The following SLC7A1 variants were observed in gnomAD, a reference collection of about 807,000 sequenced individuals.
The protein encoded by SLC7A1 is solute carrier family 7 member 1.
SLC7A1 carries 10 observed loss-of-function variants against 53.9 expected under a neutral mutation model. That is an observed-to-expected ratio of 0.19 (90% CI 0.11 to 0.31). SLC7A1 has a LOEUF of 0.31. Among genes scored for constraint, SLC7A1 ranks in the 10% least tolerant of loss-of-function variants. SLC7A1 has a pLI of 1.00. For missense variants in SLC7A1, 525 were observed against 827.2 expected (o/e 0.63, Z 4.48); for synonymous variants, 342 against 338.7 (o/e 1.01, Z -0.11).
At chr13:29,555,584 C>T (rs1176403823) in intron 1 of SLC7A1, among the ~76,000 whole-genome samples, 1 of 151,054 alleles carries the variant, frequency 6.6e-6, no homozygotes, top group Non-Finnish European at 1.5e-5. Context: ...ACCAGGGACA[C>T]AGCATCCTGG....
At position 29,530,618 on chromosome 13, in the gene SLC7A1, T is replaced by C. The variant is rs575211503; in HGVS notation, c.624A>G (p.Gly208=). ...AGTTTTTAACCGATCCTTTCACAAA[T>C]CCTGACACCATTATGAAGCCCAGGA... is the stretch of plus-strand genomic sequence containing the variant. The part of the protein sequence containing the change: ...VLVLGFIMVS[G]FVKGSVKNWQ... Residue 208 remains glycine (G), a synonymous_variant, in exon 5 of 13, where the codon GGA becomes GGG. Coordinates refer to ENST00000380752, the MANE Select transcript of SLC7A1 (RefSeq NM_003045.5). 1.9e-6 allele frequency: 3 copies of C among 1,614,100 alleles called. No homozygotes were observed. In the South Asian group the frequency reaches 3.3e-5, roughly 18 times the overall value.
chr13:29,549,275 G>A (rs924514822), intron 2 of SLC7A1, among the ~76,000 whole-genome samples: 1 of 152,186 alleles, frequency 6.6e-6, no homozygotes, highest in African/African-American at 2.4e-5. Context: ...AACCGTACCC[G>A]TGGACCAGGA....
At chr13:29,515,949 T>C (rs1039913755) in intron 12 of SLC7A1, among the ~76,000 whole-genome samples, 189 bp downstream of exon 12, 6 of 152,312 alleles carry the variant, frequency 3.9e-5, no homozygotes, top group South Asian at 4.1e-4. Flanking sequence ...AATAAATAGT[T>C]TGGACAAGAA....
chr13:29,521,279 T>C (rs1310889846), intron 8 of SLC7A1, among the ~76,000 whole-genome samples: 5 of 152,250 alleles, frequency 3.3e-5, no homozygotes, highest in Admixed American at 6.5e-5. Context: ...TAAATGCTAA[T>C]AAAACTTAGT....
At chr13:29,524,567 C>T (rs528485749) in intron 5 of SLC7A1, among the ~76,000 whole-genome samples, 36 of 152,140 alleles carry the variant, frequency 2.4e-4, no homozygotes, top group Non-Finnish European at 4.4e-4. Context: ...GGGGGAGAAA[C>T]CAGCCACGCG....
chr13:29,590,132 G>A (rs1872047883), intron 1 of SLC7A1, among the ~76,000 whole-genome samples: 1 of 152,290 alleles, frequency 6.6e-6, no homozygotes. Context: ...TGGGGAGGAT[G>A]AGCCCCTGCC....
intron 1 of SLC7A1, among the ~76,000 whole-genome samples, chr13:29,591,252 CCT>C (rs1457928414): frequency 2.6e-5 from 4 of 152,172 alleles, no homozygotes; most frequent in African/African-American, 9.7e-5. Context: ...TCATTTAAAT[CCT>C]CTCAGTCCTA....
chr13:29,522,238 AAC>A (rs1868660709), intron 8 of SLC7A1, 77 bp downstream of exon 8: 14 of 1,429,276 alleles, frequency 9.8e-6, no homozygotes, highest in Non-Finnish European at 1.4e-5. Context: ...CACAGACCAG[AAC>A]TGCGCAAGAC....
At chr13:29,550,367 G>A (rs921241419) in intron 2 of SLC7A1, among the ~76,000 whole-genome samples, 8 of 152,178 alleles carry the variant, frequency 5.3e-5, no homozygotes, top group Admixed American at 3.3e-4. Flanking sequence ...AAAAATCAAG[G>A]AGCAAAATAA....
intron 1 of SLC7A1, among the ~76,000 whole-genome samples, chr13:29,569,302 C>T (rs1871097763): frequency 6.6e-6 from 1 of 152,170 alleles, no homozygotes; most frequent in Non-Finnish European, 1.5e-5. Flanking sequence ...AAAACCATCC[C>T]TTCCCCTCAG....
rs938762800 is a variant in SLC7A1 at position 29,573,240 on chromosome 13, A to C, written c.-114-19380T>G. On this transcript the variant is annotated intron_variant, in intron 1 of 12. Transcript: ENST00000380752. ...CCTCGGATCAAAAAGCAGTCTTGCCACATGTCCTGTGTCCAACAGAACAGA... is the reference window on the plus strand; with the variant it reads ...CCTCGGATCAAAAAGCAGTCTTGCCCCATGTCCTGTGTCCAACAGAACAGA... 4.6e-4 allele frequency among the ~76,000 whole-genome samples: 70 copies of C among 152,194 alleles called. 1 individual carries two copies. The highest frequency in any genetic ancestry group is 4.6e-3 in the Admixed American group (70 of 15,278).
intron 2 of SLC7A1, among the ~76,000 whole-genome samples, chr13:29,550,565 T>C (rs970096717): frequency 2.6e-5 from 4 of 152,226 alleles, no homozygotes; most frequent in Non-Finnish European, 5.9e-5. Context: ...GAGTGGCCTC[T>C]GGGAGCTGAC....
intron 2 of SLC7A1, among the ~76,000 whole-genome samples, chr13:29,537,340 A>T (rs1038607880): frequency 6.6e-6 from 1 of 152,266 alleles, no homozygotes; most frequent in African/African-American, 2.4e-5. Context: ...CCCCAGGCTA[A>T]CCATGGGAAA....
At chr13:29,566,636 G>A (rs1322926123) in intron 1 of SLC7A1, among the ~76,000 whole-genome samples, 1 of 152,168 alleles carries the variant, frequency 6.6e-6, no homozygotes, top group Non-Finnish European at 1.5e-5. Flanking sequence ...CTGTTAATGG[G>A]TACGAGTTTC....
Position 29,510,282 on chromosome 13 carries a change from G to A in SLC7A1, c.*4198C>T, listed in dbSNP as rs1241350676. ...GCACTGGCACAGAAAGGCTGGACTCGAGGAATCGAGGGGTGAAGATGGAGT... is the reference window on the plus strand; with the variant it reads ...GCACTGGCACAGAAAGGCTGGACTCAAGGAATCGAGGGGTGAAGATGGAGT... On this transcript the variant is annotated 3_prime_UTR_variant, in exon 13 of 13. Coordinates refer to ENST00000380752, the MANE Select transcript of SLC7A1 (RefSeq NM_003045.5). The A allele has an allele frequency of 2.6e-5, 4 of 152,614 alleles. No homozygotes were observed. Among genetic ancestry groups the A allele is most frequent in the African/African-American group, 7.2e-5 (3 of 41,442 alleles). The allele number at this position is 152,614 out of a possible 1,614,324, so 9.5% of individuals were successfully genotyped here. A position where few individuals can be genotyped will look rare whatever the true frequency, so the allele number is the denominator to read the frequency against.
intron 2 of SLC7A1, among the ~76,000 whole-genome samples, chr13:29,552,228 C>T (rs1477884305): frequency 2.8e-5 from 4 of 142,180 alleles, no homozygotes. Flanking sequence ...TCATTACACA[C>T]ACACACACAC....
chr13:29,577,377 G>A (rs912942913), intron 1 of SLC7A1, among the ~76,000 whole-genome samples: 2 of 152,222 alleles, frequency 1.3e-5, no homozygotes, highest in African/African-American at 4.8e-5. Flanking sequence ...AAATACACGA[G>A]TCAGCTCCAA....
intron 1 of SLC7A1, among the ~76,000 whole-genome samples, chr13:29,571,983 C>T (rs1391919423): frequency 6.6e-6 from 1 of 152,190 alleles, no homozygotes; most frequent in African/African-American, 2.4e-5. Context: ...TCTTTGTTGA[C>T]CTTTGCGTGT....
chr13:29,541,409 G>C (rs977264667), intron 2 of SLC7A1, among the ~76,000 whole-genome samples: 1 of 152,142 alleles, frequency 6.6e-6, no homozygotes, highest in Non-Finnish European at 1.5e-5. Flanking sequence ...GACCATCAGA[G>C]GACAGGTCAT....
Sources: allele counts gnomAD v4.1 joint callset (sites outside exome capture counted in the v4.1 genomes callset), GRCh38; gene constraint gnomAD v4.1.1; transcripts MANE v1.5; gene names NCBI Gene and HGNC (gene_info 2026-07-23, HGNC 2026-07-21).